The following PLXNC1 variants were observed in gnomAD, a reference collection of about 807,000 sequenced individuals.
PLXNC1 encodes plexin C1, also known as plexin-C1.
A neutral mutation model predicts 178.2 loss-of-function variants in PLXNC1; 75 were observed. That is an observed-to-expected ratio of 0.42 (90% CI 0.35 to 0.51). PLXNC1 has a LOEUF of 0.51. Ranked by LOEUF, PLXNC1 falls within the 20% of genes least tolerant of loss-of-function variation. The pLI is 0.02. For missense variants in PLXNC1, 1,503 were observed against 1,984.4 expected (o/e 0.76, Z 4.61); for synonymous variants, 790 against 779.9 (o/e 1.01, Z -0.22).
intron 23 of PLXNC1, among the ~76,000 whole-genome samples, chr12:94,291,074 T>C (rs1565866201): frequency 6.6e-6 from 1 of 152,116 alleles, no homozygotes; most frequent in Non-Finnish European, 1.5e-5. Context: ...CCCATCAGGG[T>C]GTGGGGGAGG....
chr12:94,200,524 C>G lies in PLXNC1; in HGVS notation c.1440-9066C>G, dbSNP rs1193145734. On this transcript the variant is annotated intron_variant, in intron 4 of 30. Coordinates refer to ENST00000258526, the MANE Select transcript of PLXNC1 (RefSeq NM_005761.3). ...AGGCCAAATGTGGGATTTGATATTGCTTTCAGGAGGATCGGGTTTTAATAT... is the reference window on the plus strand; with the variant it reads ...AGGCCAAATGTGGGATTTGATATTGGTTTCAGGAGGATCGGGTTTTAATAT... Among the ~76,000 whole-genome samples the G allele has an allele frequency of 3.9e-5, 6 of 152,124 alleles. No homozygotes were observed. The East Asian group carries it at 1.2e-3, about 29-fold the overall frequency.
rs1236842125 is a variant in PLXNC1 at position 94,283,687 on chromosome 12, G to C, written c.3879+1286G>C. 2.0e-5 allele frequency among the ~76,000 whole-genome samples: 3 copies of C among 152,182 alleles called. No individual in the cohort carries two copies. The South Asian group carries it at 6.2e-4, about 31-fold the overall frequency. Reference sequence around the variant, plus strand: ...GGTCAGGTCAGAGATGAAATCATAGGAAGTCAAAGCTGTCTTCTTGCACTG... The same window carrying C: ...GGTCAGGTCAGAGATGAAATCATAGCAAGTCAAAGCTGTCTTCTTGCACTG... On this transcript the variant is annotated intron_variant, in intron 23 of 30. Transcript: ENST00000258526.
intron 4 of PLXNC1, among the ~76,000 whole-genome samples, chr12:94,207,324 C>A (rs909674891): frequency 1.3e-5 from 2 of 151,720 alleles, no homozygotes; most frequent in Non-Finnish European, 2.9e-5. Context: ...ATGAAAGGTT[C>A]ATTTTATACT....
intron 23 of PLXNC1, among the ~76,000 whole-genome samples, chr12:94,289,224 A>C (rs1029475772): frequency 6.6e-6 from 1 of 152,154 alleles, no homozygotes; most frequent in Admixed American, 6.5e-5. Context: ...AAATGACTTA[A>C]AGTTGTTGAT....
intron 2 of PLXNC1, among the ~76,000 whole-genome samples, chr12:94,178,596 T>A (rs564082081): frequency 6.6e-6 from 1 of 152,354 alleles, no homozygotes; most frequent in East Asian, 1.9e-4. Context: ...CCTTGGTCAG[T>A]GCCTGTCCCT....
chr12:94,212,142 C>T lies in PLXNC1; in HGVS notation c.1554+2438C>T, dbSNP rs57059469. On this transcript the variant is annotated intron_variant, in intron 5 of 30. Coordinates refer to ENST00000258526, the MANE Select transcript of PLXNC1 (RefSeq NM_005761.3). ...ACAAAAAATTAGCCGGGCGTGGTGG[C>T]GGGCGCCTGTAGTCCCAGCTACTTG... is the stretch of plus-strand genomic sequence containing the variant. 1.4e-3 allele frequency among the ~76,000 whole-genome samples: 206 copies of T among 151,550 alleles called. 2 individuals are homozygous for T. Among genetic ancestry groups the T allele is most frequent in the Admixed American group, 0.011 (169 of 15,224 alleles).
At chr12:94,164,408 A>G (rs535522858) in intron 1 of PLXNC1, among the ~76,000 whole-genome samples, 3 of 150,180 alleles carry the variant, frequency 2.0e-5, no homozygotes, top group African/African-American at 7.4e-5. Flanking sequence ...TTCCCTCCCG[A>G]TGATGCCGCA....
intron 6 of PLXNC1, among the ~76,000 whole-genome samples, chr12:94,222,170 C>G (rs142193865): frequency 1.3e-5 from 2 of 152,326 alleles, no homozygotes; most frequent in East Asian, 3.9e-4. Context: ...GCAGACCTTG[C>G]TCACCTATAA....
chr12:94,199,167 C>G (rs1963031721), intron 4 of PLXNC1, among the ~76,000 whole-genome samples: 1 of 152,224 alleles, frequency 6.6e-6, no homozygotes, highest in Non-Finnish European at 1.5e-5. Flanking sequence ...GGGACCCACT[C>G]AGTTTTGGGG....
At chr12:94,170,016 T>C (rs190257032) in intron 2 of PLXNC1, among the ~76,000 whole-genome samples, 6 of 152,362 alleles carry the variant, frequency 3.9e-5, no homozygotes, top group Admixed American at 6.5e-5. Context: ...AGCAAGCATT[T>C]ATTGAAGACC....
intron 4 of PLXNC1, among the ~76,000 whole-genome samples, chr12:94,203,979 C>T (rs1057015985): frequency 3.3e-5 from 5 of 152,206 alleles, no homozygotes; most frequent in Non-Finnish European, 7.3e-5. Context: ...CATGCGCATG[C>T]CCTCGCTCTC....
At chr12:94,214,014 A>G (rs1037834349) in intron 5 of PLXNC1, among the ~76,000 whole-genome samples, 1 of 151,768 alleles carries the variant, frequency 6.6e-6, no homozygotes, top group Non-Finnish European at 1.5e-5. Context: ...TTACAGGCAC[A>G]TGCCACCACG....
At chr12:94,169,087 G>A in intron 1 of PLXNC1, 66 bp from the exon 2 acceptor site, 1 of 1,407,074 alleles carries the variant, frequency 7.1e-7, no homozygotes, top group Non-Finnish European at 9.8e-7. Context: ...CATTTCATCA[G>A]TATAATGAGA....
In PLXNC1 at chr12:94,289,865, A is replaced by C. The variant is rs564835886; in HGVS notation, c.3880-4621A>C. Among the ~76,000 whole-genome samples the C allele has an allele frequency of 1.4e-4, 22 of 152,120 alleles. No homozygotes were observed. In the South Asian group the frequency reaches 3.1e-3, roughly 22 times the overall value. ...ACATACGCGCTCACACACACACACAACTCATCCACTAATAAAATGTTTCTA... is the reference window on the plus strand; with the variant it reads ...ACATACGCGCTCACACACACACACACCTCATCCACTAATAAAATGTTTCTA... On this transcript the variant is annotated intron_variant, in intron 23 of 30. Coordinates refer to ENST00000258526, the MANE Select transcript of PLXNC1 (RefSeq NM_005761.3).
At chr12:94,283,489 T>A (rs957236101) in intron 23 of PLXNC1, among the ~76,000 whole-genome samples, 18 of 152,224 alleles carry the variant, frequency 1.2e-4, no homozygotes, top group Non-Finnish European at 1.5e-5. Flanking sequence ...ACCTTCCCCA[T>A]TGCCTAGACA....
Position 94,254,793 on chromosome 12 carries a change from T to C in PLXNC1, c.2888T>C (p.Val963Ala), listed in dbSNP as rs778385818. 2 of 1,594,992 alleles carry C rather than the reference T, an allele frequency of 1.3e-6. No homozygotes were observed. The highest frequency in any genetic ancestry group is 2.7e-5 in the African/African-American group (2 of 73,404). ...CAGCATCTCTGTCTCTTAGCGGCCG[T>C]GGGGGTGACCAGGCACAAATCGAAG... ...VLLVIVIFAA[V>A]GVTRHKSKEL... The change falls in exon 16 of 31, where the codon GTG becomes GCG. Residue 963 changes from valine (V) to alanine (A), a missense_variant. Val to Ala is a moderately conservative substitution (Grantham distance 64). This residue lies in a region of PLXNC1 where 639 missense variants were observed against 979.7 expected (regional missense o/e 0.65). Coordinates refer to ENST00000258526, the MANE Select transcript of PLXNC1 (RefSeq NM_005761.3).
At chr12:94,275,493 T>A (rs1405432653) in intron 21 of PLXNC1, among the ~76,000 whole-genome samples, 2 of 152,162 alleles carry the variant, frequency 1.3e-5, no homozygotes, top group African/African-American at 4.8e-5. Flanking sequence ...GCGTGCACTT[T>A]CCCAGCCTGG....
chr12:94,235,775 T>C (rs187895630), intron 9 of PLXNC1, among the ~76,000 whole-genome samples: 359 of 152,346 alleles, frequency 2.4e-3, no homozygotes, highest in African/African-American at 8.2e-3. Flanking sequence ...TGTTTTTATA[T>C]GTCATGAAAT....
Position 94,175,866 on chromosome 12 carries a change from G to A in PLXNC1, c.1204-5580G>A, listed in dbSNP as rs558829725. Among the ~76,000 whole-genome samples the A allele has an allele frequency of 4.6e-5, 7 of 152,318 alleles. No homozygotes were observed. The East Asian group carries it at 1.2e-3, about 25-fold the overall frequency. On this transcript the variant is annotated intron_variant, in intron 2 of 30. Coordinates refer to ENST00000258526, the MANE Select transcript of PLXNC1 (RefSeq NM_005761.3). ...AAAACAAGTAAATGGATTAATCAGC[G>A]ATAAAGACACTTCAGATAGTGCTAT...
Sources: gnomAD v4.1 joint callset for allele counts (sites outside exome capture counted in the v4.1 genomes callset) on GRCh38, gnomAD v4.1.1 for gene constraint, gnomAD v4.1.1 regional missense constraint, MANE v1.5 for transcripts, NCBI Gene and HGNC (gene_info 2026-07-23, HGNC 2026-07-21) for gene names.